GRIN2B: variants seen among roughly 807,000 people sequenced by gnomAD.
The protein encoded by GRIN2B is glutamate ionotropic receptor NMDA type subunit 2B.
In GRIN2B, 5 loss-of-function variants were observed where a neutral mutation model predicts 114.5. The ratio of observed to expected loss-of-function variants is 0.04; its 90% CI spans 0.02 to 0.09. The LOEUF (loss-of-function observed/expected upper bound fraction) is 0.09. Ranked by LOEUF, GRIN2B falls within the 10% of genes least tolerant of loss-of-function variation. GRIN2B has a pLI of 1.00. For missense variants in GRIN2B, 1,108 were observed against 1,943.5 expected, an observed-to-expected ratio of 0.57 and a Z score of 8.08; for synonymous variants, 787 against 745.1, an observed-to-expected ratio of 1.06 and a Z score of -0.92.
chr12:13,697,978 C>A (rs1163990501), intron 4 of GRIN2B, among the ~76,000 whole-genome samples: 1 of 152,216 alleles, frequency 6.6e-6, no homozygotes, highest in Admixed American at 6.5e-5. Context: ...ATAGACCCCA[C>A]CTGCTCTTCT....
chr12:13,961,696 G>A (rs1867694824), intron 2 of GRIN2B, among the ~76,000 whole-genome samples: 1 of 152,108 alleles, frequency 6.6e-6, no homozygotes, highest in South Asian at 2.1e-4. Context: ...ACAGCATGAG[G>A]AGCTGTGTGC....
intron 3 of GRIN2B, among the ~76,000 whole-genome samples, chr12:13,816,653 G>T (rs185193037): frequency 6.6e-6 from 1 of 152,022 alleles, no homozygotes; most frequent in Non-Finnish European, 1.5e-5. Flanking sequence ...CTAAAGCATC[G>T]CTCCAACACC....
intron 5 of GRIN2B, 94 bp from the exon 6 acceptor site, chr12:13,616,751 TG>T: frequency 1.0e-6 from 1 of 1,000,286 alleles, no homozygotes; most frequent in Non-Finnish European, 1.6e-6. Context: ...AGGAAGCAGT[TG>T]AACAAAAGCC....
intron 2 of GRIN2B, among the ~76,000 whole-genome samples, chr12:13,929,657 C>T (rs1305797347): frequency 1.3e-5 from 2 of 152,190 alleles, no homozygotes; most frequent in Admixed American, 6.5e-5. Flanking sequence ...AACAGCCTGC[C>T]ATAATGAGCT....
chr12:13,547,981 A>ATATTTTTTTTTTTTT lies in GRIN2B; in HGVS notation c.*14801_*14802insAAAAAAAAAAAAATA. The ATATTTTTTTTTTTTT allele has an allele frequency of 2.9e-5, 2 of 68,596 alleles. No homozygotes were observed. Among genetic ancestry groups the ATATTTTTTTTTTTTT allele is most frequent in the African/African-American group, 4.6e-5 (1 of 21,784 alleles). The allele number at this position is 68,596 out of a possible 1,614,324, so 4.2% of individuals were successfully genotyped here. A position where few individuals can be genotyped will look rare whatever the true frequency, so the allele number is the denominator to read the frequency against. ...TGTGTATATATATATATATATATAT[A>ATATTTTTTTTTTTTT]TTTTTTTTTTTTTTCTGAAAGCTAC... On this transcript the variant is annotated 3_prime_UTR_variant, in exon 14 of 14. Coordinates refer to ENST00000609686, the MANE Select transcript of GRIN2B (RefSeq NM_000834.5).
chr12:13,969,095 C>T (rs540802465), intron 2 of GRIN2B, among the ~76,000 whole-genome samples: 244 of 152,322 alleles, frequency 1.6e-3, no homozygotes, highest in Non-Finnish European at 2.9e-3. Flanking sequence ...GAATGAGATG[C>T]TTATGGCCAG....
intron 9 of GRIN2B, among the ~76,000 whole-genome samples, chr12:13,609,772 CAA>C (rs35580358): frequency 2.6e-4 from 29 of 110,212 alleles, no homozygotes; most frequent in Non-Finnish European, 1.7e-4. Context: ...GACTCTGTCT[CAA>C]AAAAAAAAAA....
intron 10 of GRIN2B, among the ~76,000 whole-genome samples, chr12:13,572,882 T>C (rs1948724240): frequency 6.6e-6 from 1 of 152,202 alleles, no homozygotes; most frequent in Non-Finnish European, 1.5e-5. Context: ...TACCCCAAAG[T>C]GACCCATCAG....
chr12:13,873,659 C>A (rs924857845), intron 2 of GRIN2B, among the ~76,000 whole-genome samples: 1 of 152,132 alleles, frequency 6.6e-6, no homozygotes, highest in African/African-American at 2.4e-5. Context: ...TCCTGAGAGT[C>A]TGGGGCATGG....
intron 2 of GRIN2B, among the ~76,000 whole-genome samples, chr12:13,937,944 C>G (rs911016763): frequency 2.4e-4 from 36 of 151,956 alleles, no homozygotes; most frequent in African/African-American, 8.5e-4. Context: ...AAGTGAGAAA[C>G]AGGAAGTATG....
intron 2 of GRIN2B, among the ~76,000 whole-genome samples, chr12:13,976,510 C>T (rs1863022248): frequency 6.6e-6 from 1 of 152,118 alleles, no homozygotes; most frequent in Non-Finnish European, 1.5e-5. Flanking sequence ...CCCCAGTCTT[C>T]AATATTAAAG....
chr12:13,586,091 C>T (rs1337650735), intron 10 of GRIN2B, among the ~76,000 whole-genome samples: 1 of 152,172 alleles, frequency 6.6e-6, no homozygotes, highest in Non-Finnish European at 1.5e-5. Flanking sequence ...TTCCAGTTGA[C>T]TAAGGGTTAA....
In GRIN2B at chr12:13,553,797, C is replaced by T. The variant is rs1219774018; in HGVS notation, c.*8986G>A. Reference sequence around the variant, plus strand: ...CCCAAAGCATCTGAAAAGCTGATACCTAAAATTTGATCAATATCCTTCATA... The same window carrying T: ...CCCAAAGCATCTGAAAAGCTGATACTTAAAATTTGATCAATATCCTTCATA... On this transcript the variant is annotated 3_prime_UTR_variant, in exon 14 of 14. Coordinates refer to ENST00000609686, the MANE Select transcript of GRIN2B (RefSeq NM_000834.5). 4 of 152,142 alleles carry T rather than the reference C, an allele frequency of 2.6e-5. No homozygotes were observed. Among genetic ancestry groups the T allele is most frequent in the Admixed American group, 6.5e-5 (1 of 15,276 alleles). The allele number at this position is 152,142 out of a possible 1,614,324, so 9.4% of individuals were successfully genotyped here. A position where few individuals can be genotyped will look rare whatever the true frequency, so the allele number is the denominator to read the frequency against.
chr12:13,760,917 G>T (rs1863666755), intron 3 of GRIN2B, among the ~76,000 whole-genome samples: 1 of 152,178 alleles, frequency 6.6e-6, no homozygotes, highest in Admixed American at 6.5e-5. Flanking sequence ...GGTGACTAAG[G>T]CTGGAGTTAG....
intron 4 of GRIN2B, among the ~76,000 whole-genome samples, chr12:13,748,621 T>C (rs777555424): frequency 6.6e-6 from 1 of 152,198 alleles, no homozygotes; most frequent in African/African-American, 2.4e-5. Flanking sequence ...AGAGAATATA[T>C]AGCATAAGAA....
At chr12:13,717,488 G>A (rs368508697) in intron 4 of GRIN2B, among the ~76,000 whole-genome samples, 17 of 151,924 alleles carry the variant, frequency 1.1e-4, no homozygotes, top group African/African-American at 4.1e-4. Flanking sequence ...CAACACAGCA[G>A]TATGAACTAG....
chr12:13,963,490 G>A (rs1867734587), intron 2 of GRIN2B, among the ~76,000 whole-genome samples: 1 of 152,146 alleles, frequency 6.6e-6, no homozygotes, highest in African/African-American at 2.4e-5. Flanking sequence ...TTTTCCTACC[G>A]TACTGAGAAA....
At chr12:13,815,645 A>G (rs527921616) in intron 3 of GRIN2B, among the ~76,000 whole-genome samples, 3 of 152,020 alleles carry the variant, frequency 2.0e-5, no homozygotes, top group Non-Finnish European at 2.9e-5. Context: ...AGAGAAGTTT[A>G]AAAAAAATTG....
intron 3 of GRIN2B, among the ~76,000 whole-genome samples, chr12:13,777,897 T>G (rs1864034264): frequency 6.6e-6 from 1 of 152,222 alleles, no homozygotes; most frequent in African/African-American, 2.4e-5. Flanking sequence ...TGGTCTACTT[T>G]TTCTCAGTCT....
Sources: gnomAD v4.1 joint callset for allele counts (sites outside exome capture counted in the v4.1 genomes callset) on GRCh38, gnomAD v4.1.1 for gene constraint, MANE v1.5 for transcripts, NCBI Gene and HGNC (gene_info 2026-07-23, HGNC 2026-07-21) for gene names.